The following IL1RAP variants were observed in gnomAD, a reference collection of about 807,000 sequenced individuals.
IL1RAP encodes the protein interleukin-1 receptor accessory protein.
Under a neutral mutation model 60.7 loss-of-function variants are expected in IL1RAP, and 35 were observed. That is an observed-to-expected ratio of 0.58 (90% CI 0.44 to 0.76). The LOEUF (loss-of-function observed/expected upper bound fraction) is 0.76. IL1RAP is among the 30% of genes least tolerant of loss of function. The pLI is 0.00. For missense variants in IL1RAP, 572 were observed against 693.9 expected, an observed-to-expected ratio of 0.82 and a Z score of 1.97; for synonymous variants, 268 against 250.9, an observed-to-expected ratio of 1.07 and a Z score of -0.64.
At chr3:190,603,791 T>C (rs565856143) in intron 3 of IL1RAP, among the ~76,000 whole-genome samples, 3 of 152,318 alleles carry the variant, frequency 2.0e-5, no homozygotes, top group African/African-American at 7.2e-5. Context: ...CAGTTACAAT[T>C]TCCTCCTTAA....
chr3:190,588,603 G>A (rs990418101), intron 3 of IL1RAP, among the ~76,000 whole-genome samples: 8 of 152,166 alleles, frequency 5.3e-5, no homozygotes, highest in African/African-American at 1.7e-4. Flanking sequence ...GTACCATGCA[G>A]TTCCTAAAAG....
downstream of IL1RAP, among the ~76,000 whole-genome samples, chr3:190,654,313 T>C (rs1295015278): frequency 1.3e-5 from 2 of 151,790 alleles, no homozygotes; most frequent in East Asian, 3.9e-4. Flanking sequence ...GGAGAAGCAG[T>C]AGACTTCCCA....
intron 1 of IL1RAP, among the ~76,000 whole-genome samples, chr3:190,535,834 G>A (rs1356618225): frequency 6.6e-6 from 1 of 152,156 alleles, no homozygotes; most frequent in Admixed American, 6.5e-5. Flanking sequence ...ATTAAGTGCT[G>A]TGTTTGGCCC....
rs1306346858 is a variant in IL1RAP at position 190,530,701 on chromosome 3, G to A, written c.-89+16482G>A. Reference sequence around the variant, plus strand: ...GAAATTGGCTTATGCAATCATGTCAGTATCATTTTGAGAGGAGAGATCCTA... The same window carrying A: ...GAAATTGGCTTATGCAATCATGTCAATATCATTTTGAGAGGAGAGATCCTA... On this transcript the variant is annotated intron_variant, in intron 1 of 11. Coordinates refer to ENST00000447382, the MANE Select transcript of IL1RAP (RefSeq NM_002182.4). Among the ~76,000 whole-genome samples, 3 of 152,170 alleles carry A rather than the reference G, an allele frequency of 2.0e-5. 1 individual carries two copies. The highest frequency in any genetic ancestry group is 4.1e-4 in the South Asian group (2 of 4,834).
At chr3:190,647,061 C>T (rs1734064167) in intron 11 of IL1RAP, among the ~76,000 whole-genome samples, 1 of 152,174 alleles carries the variant, frequency 6.6e-6, no homozygotes, top group Non-Finnish European at 1.5e-5. Context: ...TTGAAGAATT[C>T]ACATTCTGCA....
chr3:190,565,841 A>C, intron 3 of IL1RAP, among the ~76,000 whole-genome samples: 1 of 152,142 alleles, frequency 6.6e-6, no homozygotes, highest in Non-Finnish European at 1.5e-5. Context: ...CTGCTCACAG[A>C]GGCTTCCTTG....
chr3:190,620,296 T>C lies in IL1RAP; in HGVS notation c.559T>C (p.Phe187Leu). 8 of 1,573,762 alleles carry C rather than the reference T, an allele frequency of 5.1e-6. No homozygotes were observed. Among genetic ancestry groups the C allele is most frequent in the African/African-American group, 1.4e-5 (1 of 72,992 alleles). Residue 187 changes from phenylalanine (F) to leucine (L), a missense_variant, in exon 6 of 12, where the codon TTT (phenylalanine) becomes CTT (leucine). Physicochemically the swap from Phe to Leu is conservative, Grantham distance 22 (BLOSUM62 0). Transcript: ENST00000447382. ...CTAGGGCTGTTATAAAATACAGAAT[T>C]TTAATAATGTAATACCCGAAGGTAT... is the stretch of plus-strand genomic sequence containing the variant. ...WYMGCYKIQN[F>L]NNVIPEGMNL...
At chr3:190,534,328 T>A (rs545414303) in intron 1 of IL1RAP, among the ~76,000 whole-genome samples, 1 of 152,104 alleles carries the variant, frequency 6.6e-6, no homozygotes. Flanking sequence ...AAATCTATCA[T>A]GTTTGGATAT....
At chr3:190,613,588 T>G (rs941518907) in intron 5 of IL1RAP, among the ~76,000 whole-genome samples, 1 of 152,090 alleles carries the variant, frequency 6.6e-6, no homozygotes, top group African/African-American at 2.4e-5. Context: ...GTAAAACAAT[T>G]ACCATGGCCA....
At chr3:190,546,062 C>T (rs527338125) in intron 1 of IL1RAP, among the ~76,000 whole-genome samples, 5 of 152,172 alleles carry the variant, frequency 3.3e-5, no homozygotes, top group Admixed American at 2.0e-4. Flanking sequence ...GACTATGCAT[C>T]GGTATGATTA....
chr3:190,635,367 A>C (rs540300421), intron 9 of IL1RAP, among the ~76,000 whole-genome samples: 6 of 152,020 alleles, frequency 3.9e-5, no homozygotes, highest in Admixed American at 6.6e-5. Context: ...CTTTATTCAT[A>C]TACTTATTTT....
At chr3:190,654,190 T>TCACC (rs1553854862), downstream of IL1RAP, among the ~76,000 whole-genome samples, 1 of 140,414 alleles carries the variant, frequency 7.1e-6, no homozygotes, top group Non-Finnish European at 1.5e-5. Context: ...AAACATCATA[T>TCACC]CACACACACA....
chr3:190,581,555 G>C (rs2108679897), intron 3 of IL1RAP, among the ~76,000 whole-genome samples: 3 of 152,292 alleles, frequency 2.0e-5, no homozygotes, highest in Admixed American at 2.0e-4. Flanking sequence ...ACAAAATCCA[G>C]ATGTTGAGTT....
At chr3:190,633,021 A>G (rs1274294803) in intron 9 of IL1RAP, among the ~76,000 whole-genome samples, 1 of 152,194 alleles carries the variant, frequency 6.6e-6, no homozygotes, top group Admixed American at 6.5e-5. Context: ...GAAATCACAT[A>G]CTATATGTCT....
intron 1 of IL1RAP, among the ~76,000 whole-genome samples, chr3:190,533,914 A>G (rs1723202877): frequency 6.6e-6 from 1 of 152,094 alleles, no homozygotes; most frequent in Non-Finnish European, 1.5e-5. Context: ...TTCAAAGGAA[A>G]GCTGCTTGCA....
intron 1 of IL1RAP, among the ~76,000 whole-genome samples, chr3:190,536,118 T>C (rs1723440304): frequency 6.6e-6 from 1 of 152,124 alleles, no homozygotes. Context: ...GTTTCTTTTC[T>C]TGTTGGGTGT....
intron 1 of IL1RAP, among the ~76,000 whole-genome samples, chr3:190,526,900 C>T (rs1722558251): frequency 6.6e-6 from 1 of 152,164 alleles, no homozygotes; most frequent in Non-Finnish European, 1.5e-5. Flanking sequence ...GGCATCCTGC[C>T]CTCAGCAGGG....
At chr3:190,530,487 C>T (rs1382509862) in intron 1 of IL1RAP, among the ~76,000 whole-genome samples, 1 of 152,284 alleles carries the variant, frequency 6.6e-6, no homozygotes, top group East Asian at 1.9e-4. Context: ...ATGTTCTGGA[C>T]CATTCTGGGA....
chr3:190,623,011 G>A (rs1440168382), intron 6 of IL1RAP, among the ~76,000 whole-genome samples: 1 of 152,088 alleles, frequency 6.6e-6, no homozygotes, highest in East Asian at 1.9e-4. Flanking sequence ...GATTCCAAAG[G>A]TCTTAGAAGC....
Sources: allele counts gnomAD v4.1 joint callset (sites outside exome capture counted in the v4.1 genomes callset), GRCh38; gene constraint gnomAD v4.1.1; transcripts MANE v1.5; gene names NCBI Gene and HGNC (gene_info 2026-07-23, HGNC 2026-07-21).